Variants in OPCML observed in about 807,000 individuals in gnomAD.
The protein encoded by OPCML is opioid binding protein/cell adhesion molecule like, also known as opioid-binding protein/cell adhesion molecule.
Under a neutral mutation model 37.8 loss-of-function variants are expected in OPCML, and 13 were observed. That is an observed-to-expected ratio of 0.34 (90% CI 0.22 to 0.55). The LOEUF is 0.55. Among genes scored for constraint, OPCML ranks in the 20% least tolerant of loss-of-function variants. The pLI is 0.91. For synonymous variants in OPCML, 176 were observed against 168.8 expected (o/e 1.04, Z -0.33); for missense variants, 341 against 435.6 (o/e 0.78, Z 1.93).
At chr11:133,305,744 C>T (rs1038159054) in intron 1 of OPCML, among the ~76,000 whole-genome samples, 25 of 152,120 alleles carry the variant, frequency 1.6e-4, no homozygotes, top group Middle Eastern at 3.2e-3. Context: ...GACCTCCTTC[C>T]GCAGGCGTTC....
intron 4 of OPCML, among the ~76,000 whole-genome samples, chr11:132,497,429 AAG>A (rs2096235005): frequency 6.6e-6 from 1 of 151,940 alleles, no homozygotes; most frequent in East Asian, 1.9e-4. Context: ...AAAAAAAAAA[AAG>A]AAAAATGCTA....
At chr11:133,052,827 G>A (rs4644652) in intron 1 of OPCML, among the ~76,000 whole-genome samples, 135,753 of 152,256 alleles carry the variant, frequency 0.89, 60,869 homozygotes, top group African/African-American at 0.98. Context: ...TGCCAAGACT[G>A]AGGGCAACAG....
chr11:132,620,085 A>G (rs1210003827), intron 3 of OPCML, among the ~76,000 whole-genome samples: 1 of 152,200 alleles, frequency 6.6e-6, no homozygotes, highest in Non-Finnish European at 1.5e-5. Flanking sequence ...AGAAAAATCA[A>G]TACTGTTGAA....
At chr11:133,281,614 C>T (rs998750929) in intron 1 of OPCML, among the ~76,000 whole-genome samples, 2 of 151,752 alleles carry the variant, frequency 1.3e-5, no homozygotes, top group Non-Finnish European at 2.9e-5. Flanking sequence ...CATAGAGATG[C>T]CTGAAAATAT....
chr11:133,440,506 C>T (rs1354029859), intron 1 of OPCML, among the ~76,000 whole-genome samples: 2 of 151,290 alleles, frequency 1.3e-5, no homozygotes, highest in Non-Finnish European at 2.9e-5. Flanking sequence ...GTGGGTGGAT[C>T]AACTGAGGTC....
At chr11:133,040,046 G>A (rs1309325093) in intron 1 of OPCML, among the ~76,000 whole-genome samples, 3 of 151,560 alleles carry the variant, frequency 2.0e-5, no homozygotes, top group Non-Finnish European at 2.9e-5. Flanking sequence ...AAAAGATGGG[G>A]GATGGCAGAC....
At chr11:133,493,618 T>C (rs1428172444) in intron 1 of OPCML, among the ~76,000 whole-genome samples, 1 of 151,924 alleles carries the variant, frequency 6.6e-6, no homozygotes, top group Admixed American at 6.5e-5. Context: ...TTTGTCTCCA[T>C]TTAAAAAAAA....
At chr11:132,580,804 G>T (rs1030997770) in intron 3 of OPCML, among the ~76,000 whole-genome samples, 8 of 152,134 alleles carry the variant, frequency 5.3e-5, no homozygotes, top group Non-Finnish European at 1.2e-4. Flanking sequence ...TTGTATAATA[G>T]AAAATTCATT....
chr11:132,829,730 T>TG (rs1457437027), intron 2 of OPCML, among the ~76,000 whole-genome samples: 3 of 152,190 alleles, frequency 2.0e-5, no homozygotes, highest in Non-Finnish European at 4.4e-5. Context: ...TTTCTGTTTT[T>TG]GGGGGTTTGC....
intron 1 of OPCML, among the ~76,000 whole-genome samples, chr11:133,019,956 T>C (rs1423904742): frequency 6.6e-6 from 1 of 152,194 alleles, no homozygotes; most frequent in Non-Finnish European, 1.5e-5. Context: ...TGACCCTTTG[T>C]CATAATTAAC....
At chr11:133,172,788 G>T (rs768879747) in intron 1 of OPCML, among the ~76,000 whole-genome samples, 1 of 152,140 alleles carries the variant, frequency 6.6e-6, no homozygotes, top group African/African-American at 2.4e-5. Context: ...AGGAGAAAGA[G>T]CTGGGCAAGA....
At chr11:133,341,157 C>T (rs1482903288) in intron 1 of OPCML, among the ~76,000 whole-genome samples, 1 of 152,170 alleles carries the variant, frequency 6.6e-6, no homozygotes, top group Admixed American at 6.5e-5. Context: ...TACCTAGAAC[C>T]CTGCCTGCCT....
Position 133,208,983 on chromosome 11 carries a change from G to A in OPCML, c.62-265973C>T, listed in dbSNP as rs1239890332. Among the ~76,000 whole-genome samples the A allele has an allele frequency of 6.6e-6, 1 of 152,100 alleles. No individual in the cohort carries two copies. The highest frequency in any genetic ancestry group is 1.5e-5 in the Non-Finnish European group (1 of 68,024). Reference sequence around the variant, plus strand: ...TAATAAAAAAATTACCTGAAATGCTGTCCTACATTCTCTTCACATGACCAA... The same window carrying A: ...TAATAAAAAAATTACCTGAAATGCTATCCTACATTCTCTTCACATGACCAA... On this transcript the variant is annotated intron_variant, in intron 1 of 7. Transcript: ENST00000524381. This position sits in a 1 kb window ranked among gnomAD's most constrained non-coding sequence, Gnocchi z 8.9.
intron 3 of OPCML, among the ~76,000 whole-genome samples, chr11:132,564,839 T>G (rs2096418765): frequency 6.6e-6 from 1 of 152,178 alleles, no homozygotes; most frequent in Admixed American, 6.5e-5. Context: ...CAACGGGGTA[T>G]GGTAGACAGA....
chr11:132,521,328 G>A (rs1357528941), intron 4 of OPCML, among the ~76,000 whole-genome samples: 3 of 152,074 alleles, frequency 2.0e-5, no homozygotes, highest in Non-Finnish European at 4.4e-5. Flanking sequence ...TCTGTAGATT[G>A]CCTGTTCACT....
At chr11:133,130,446 A>C (rs906290732) in intron 1 of OPCML, among the ~76,000 whole-genome samples, 4 of 152,178 alleles carry the variant, frequency 2.6e-5, no homozygotes, top group African/African-American at 4.8e-5. Flanking sequence ...AAATACTTAG[A>C]TATAAATCTA....
At chr11:132,890,051 C>T (rs1182206768) in intron 2 of OPCML, among the ~76,000 whole-genome samples, 3 of 152,256 alleles carry the variant, frequency 2.0e-5, no homozygotes, top group East Asian at 3.9e-4. Flanking sequence ...CATCATCATC[C>T]GCAAGGCAAC....
chr11:133,147,451 G>A (rs1007006565), intron 1 of OPCML, among the ~76,000 whole-genome samples: 27 of 152,226 alleles, frequency 1.8e-4, no homozygotes, highest in South Asian at 1.2e-3. Context: ...AGCCCTACCC[G>A]CTTCAAAACA....
intron 2 of OPCML, among the ~76,000 whole-genome samples, chr11:132,802,105 C>T (rs1938689877): frequency 6.6e-6 from 1 of 152,050 alleles, no homozygotes. Flanking sequence ...TCTTTTTGAC[C>T]ATCAGAAAAT....
Sources: gnomAD v4.1 joint callset for allele counts (sites outside exome capture counted in the v4.1 genomes callset) on GRCh38, gnomAD v4.1.1 for gene constraint, Gnocchi (gnomAD v3.1) non-coding constraint, MANE v1.5 for transcripts, NCBI Gene and HGNC (gene_info 2026-07-23, HGNC 2026-07-21) for gene names.